Variants in ZNF184 observed in about 807,000 individuals in gnomAD.
The protein encoded by ZNF184 is zinc finger protein 184 (Kruppel-like).
ZNF184 carries 16 observed loss-of-function variants against 54.4 expected under a neutral mutation model. That is an observed-to-expected ratio of 0.29 (90% CI 0.20 to 0.45). The LOEUF is 0.45. Among genes scored for constraint, ZNF184 ranks in the 20% least tolerant of loss-of-function variants. The pLI is 1.00. For missense variants in ZNF184, 681 were observed against 888.2 expected (o/e 0.77, Z 2.97); for synonymous variants, 254 against 295.3 (o/e 0.86, Z 1.43).
Position 27,452,131 on chromosome 6 carries a change from G to C in ZNF184, c.1428C>G (p.Cys476Trp). 1 of 1,613,928 alleles carries C rather than the reference G, an allele frequency of 6.2e-7. No individual in the cohort carries two copies. The highest frequency in any genetic ancestry group is 8.5e-7 in the Non-Finnish European group (1 of 1,179,968). Residue 476 changes from cysteine (C) to tryptophan (W), a missense_variant, in exon 6 of 6, where the codon TGC becomes TGG. Cys to Trp is a radical substitution (Grantham distance 215). Transcript: ENST00000683788. This position sits in a 1 kb window ranked among gnomAD's most constrained non-coding sequence, Gnocchi z 5.5. ...KIHTGEKPYK[C>W]NECGKAFSYC... is the part of the protein sequence containing the mutation. ...AACTGAAGGCCTTTCCACATTCATT[G>C]CATTTGTAAGGTTTTTCTCCAGTAT...
intron 3 of ZNF184, among the ~76,000 whole-genome samples, chr6:27,463,555 G>T (rs1763053561): frequency 6.6e-6 from 1 of 152,014 alleles, no homozygotes; most frequent in Non-Finnish European, 1.5e-5. Context: ...GAGGGGACCA[G>T]AAATCATTTT....
chr6:27,428,217 G>T, the ZNF184 span, among the ~76,000 whole-genome samples: 5 of 152,096 alleles, frequency 3.3e-5, no homozygotes, highest in Admixed American at 3.3e-4. This position sits in a 1 kb window ranked among gnomAD's most constrained non-coding sequence, Gnocchi z 4.1. Flanking sequence ...CCAAGCTCTA[G>T]CATGAAAGCC....
the ZNF184 span, among the ~76,000 whole-genome samples, chr6:27,414,663 C>A: frequency 6.6e-6 from 1 of 151,772 alleles, no homozygotes; most frequent in Non-Finnish European, 1.5e-5. Flanking sequence ...TTCTTGTTAC[C>A]CTATTTAAAA....
At chr6:27,440,398 T>C in the ZNF184 span, among the ~76,000 whole-genome samples, 1 of 152,192 alleles carries the variant, frequency 6.6e-6, no homozygotes, top group African/African-American at 2.4e-5. Context: ...GTCCTGAGAT[T>C]TGAGCCTGGA....
the ZNF184 span, among the ~76,000 whole-genome samples, chr6:27,407,234 T>C: frequency 1.3e-5 from 2 of 152,052 alleles, no homozygotes; most frequent in Non-Finnish European, 2.9e-5. Flanking sequence ...AGGTGAAAGA[T>C]GATTTTGTTC....
the ZNF184 span, among the ~76,000 whole-genome samples, chr6:27,421,125 A>T: frequency 1.3e-5 from 2 of 152,238 alleles, no homozygotes; most frequent in African/African-American, 2.4e-5. Flanking sequence ...AGGATTTTTA[A>T]GTCAGTGAAA....
At chr6:27,418,453 T>A in the ZNF184 span, among the ~76,000 whole-genome samples, 4,992 of 152,332 alleles carry the variant, frequency 0.033, 192 homozygotes, top group African/African-American at 0.094. Context: ...CATTTTTATT[T>A]CAATTCATTG....
chr6:27,445,746 A>G (rs932837455), downstream of ZNF184, among the ~76,000 whole-genome samples: 3 of 142,266 alleles, frequency 2.1e-5, no homozygotes, highest in Non-Finnish European at 3.1e-5. Flanking sequence ...TAAAACAGAA[A>G]ATTGGTAAAG....
At position 27,472,066 on chromosome 6, in the gene ZNF184, T is replaced by C. The variant is rs1354323019; in HGVS notation, c.7+222A>G. On this transcript the variant is annotated intron_variant, in intron 2 of 5. Coordinates refer to ENST00000683788, the MANE Select transcript of ZNF184 (RefSeq NM_001318891.2). This position sits in a 1 kb window ranked among gnomAD's most constrained non-coding sequence, Gnocchi z 4.8. ...AGATATTCTGAATGATTATGTCTTT[T>C]CATTCCCCAATGGAACGAAAGAAAA... is the stretch of plus-strand genomic sequence containing the variant. Among the ~76,000 whole-genome samples the C allele has an allele frequency of 6.6e-6, 1 of 152,234 alleles. No homozygotes were observed. Among genetic ancestry groups the C allele is most frequent in the African/African-American group, 2.4e-5 (1 of 41,470 alleles).
At chr6:27,457,624 G>A (rs191346721) in intron 3 of ZNF184, among the ~76,000 whole-genome samples, 83 of 152,212 alleles carry the variant, frequency 5.5e-4, no homozygotes, top group African/African-American at 1.8e-3. Flanking sequence ...TTAATTTAAC[G>A]TCTGGCATAT....
chr6:27,424,471 G>A, the ZNF184 span, among the ~76,000 whole-genome samples: 5 of 152,122 alleles, frequency 3.3e-5, no homozygotes, highest in Non-Finnish European at 7.4e-5. Flanking sequence ...TTGACAGGGC[G>A]CTGATTGGTG....
At chr6:27,456,595 G>A (rs764460) in intron 5 of ZNF184, among the ~76,000 whole-genome samples, 91,680 of 151,942 alleles carry the variant, frequency 0.6, 27,756 homozygotes, top group Middle Eastern at 0.75. Context: ...GGATTTCATA[G>A]AAAGGTAGGA....
Position 27,462,415 on chromosome 6 carries a change from A to G in ZNF184, c.76-5006T>C, listed in dbSNP as rs559086364. Among the ~76,000 whole-genome samples the G allele has an allele frequency of 1.5e-3, 229 of 151,768 alleles. 1 individual carries two copies. The highest frequency in any genetic ancestry group is 5.0e-3 in the African/African-American group (206 of 41,430). ...GGGTTTCACTGTGTTAGCCAGAATGATCTCGATCTGCTGACCTCGTGATCC... is the reference window on the plus strand; with the variant it reads ...GGGTTTCACTGTGTTAGCCAGAATGGTCTCGATCTGCTGACCTCGTGATCC... On this transcript the variant is annotated intron_variant, in intron 3 of 5. Coordinates refer to ENST00000683788, the MANE Select transcript of ZNF184 (RefSeq NM_001318891.2).
At chr6:27,433,255 G>C in the ZNF184 span, among the ~76,000 whole-genome samples, 4 of 152,200 alleles carry the variant, frequency 2.6e-5, no homozygotes, top group Non-Finnish European at 4.4e-5. Context: ...TGTCACCTCA[G>C]AGGCTTTCTT....
Position 27,472,263 on chromosome 6 carries a change from C to A in ZNF184, c.7+25G>T. ...CTGTTCTCAAGCCTCCATCACCCCG[C>A]TCTCCCCCAAGTCGACCCCACTACC... On this transcript the variant is annotated intron_variant, in intron 2 of 5. Transcript: ENST00000683788. This position sits in a 1 kb window ranked among gnomAD's most constrained non-coding sequence, Gnocchi z 4.8. 1 of 1,613,800 alleles carries A rather than the reference C, an allele frequency of 6.2e-7. No homozygotes were observed. Among genetic ancestry groups the A allele is most frequent in the South Asian group, 1.1e-5 (1 of 91,036 alleles).
rs1305571435 is a variant in ZNF184 at position 27,472,458 on chromosome 6, C to A, written c.-139-25G>T. On this transcript the variant is annotated intron_variant, in intron 1 of 5. Coordinates refer to ENST00000683788, the MANE Select transcript of ZNF184 (RefSeq NM_001318891.2). The surrounding 1 kb of genome is among the most constrained non-coding windows in gnomAD (Gnocchi z 4.8). ...CCTAAAAGACACAGGATGGCGTCAG[C>A]AGCATACGTCACACAATCACACATC... 6.6e-6 allele frequency: 5 copies of A among 762,540 alleles called. No individual in the cohort carries two copies. Among genetic ancestry groups the A allele is most frequent in the Admixed American group, 2.3e-5 (1 of 43,888 alleles). The allele number at this position is 762,540 out of a possible 1,614,324, so 47.2% of individuals were successfully genotyped here.
At position 27,452,424 on chromosome 6, in the gene ZNF184, G is replaced by A; in HGVS notation, c.1135C>T (p.Gln379Ter). The A allele has an allele frequency of 6.2e-7, 1 of 1,613,958 alleles. No individual in the cohort carries two copies. The highest frequency in any genetic ancestry group is 8.5e-7 in the Non-Finnish European group (1 of 1,179,972). The change falls in exon 6 of 6, where the codon CAA becomes TAA. Residue 379 changes from glutamine to a stop codon, truncating the protein, a stop_gained. Coordinates refer to ENST00000683788, the MANE Select transcript of ZNF184 (RefSeq NM_001318891.2). LOFTEE classifies it high-confidence loss of function. The surrounding 1 kb of genome is among the most constrained non-coding windows in gnomAD (Gnocchi z 5.5). ...TCTCCAGTATGAATTTTTTGATGTTGAGTAAGGTGTGTGCTCCTGGTGAAG... is the reference window on the plus strand; with the variant it reads ...TCTCCAGTATGAATTTTTTGATGTTAAGTAAGGTGTGTGCTCCTGGTGAAG... Reference protein sequence around the residue: ...KTFTRSTHLTQHQKIHTGEKT... With the variant: ...KTFTRSTHLT
At chr6:27,465,035 A>AAAAAAAAAAAAAAC (rs1763093069) in intron 3 of ZNF184, among the ~76,000 whole-genome samples, 1 of 149,004 alleles carries the variant, frequency 6.7e-6, no homozygotes, top group African/African-American at 2.5e-5. Context: ...AAAAAAAAAA[A>AAAAAAAAAAAAAAC]AATAGAGCTT....
chr6:27,446,260 T>C (rs1762635898), downstream of ZNF184, among the ~76,000 whole-genome samples: 1 of 151,970 alleles, frequency 6.6e-6, no homozygotes, highest in South Asian at 2.1e-4. Flanking sequence ...AAGGGTAAAA[T>C]GATTTAGGGG....
Sources: gnomAD v4.1 joint callset for allele counts (sites outside exome capture counted in the v4.1 genomes callset) on GRCh38, gnomAD v4.1.1 for gene constraint, Gnocchi (gnomAD v3.1) non-coding constraint, MANE v1.5 for transcripts, NCBI Gene and HGNC (gene_info 2026-07-23, HGNC 2026-07-21) for gene names.